CSPP1: variants seen among roughly 807,000 people sequenced by gnomAD.
The protein encoded by CSPP1 is centrosome and spindle pole-associated protein 1.
Under a neutral mutation model 164.4 loss-of-function variants are expected in CSPP1, and 126 were observed. The ratio of observed to expected loss-of-function variants is 0.77; its 90% CI spans 0.66 to 0.89. CSPP1 has a LOEUF of 0.89. Among genes scored for constraint, CSPP1 ranks in the 40% least tolerant of loss-of-function variants. The probability of loss-of-function intolerance (pLI) is 0.00; values close to 1 mark genes in which losing one functional copy is unlikely to be tolerated. For synonymous variants in CSPP1, 472 were observed against 476.7 expected (o/e 0.99, Z 0.13); for missense variants, 1,395 against 1,449.8 (o/e 0.96, Z 0.61).
chr8:67,194,270 A>G (rs1337508095), intron 30 of CSPP1, among the ~76,000 whole-genome samples: 1 of 152,222 alleles, frequency 6.6e-6, no homozygotes, highest in Non-Finnish European at 1.5e-5. Flanking sequence ...GGAGTGGTCT[A>G]TTTGGGAAAT....
At chr8:67,139,959 G>A (rs1823165344) in intron 17 of CSPP1, among the ~76,000 whole-genome samples, 5 of 152,232 alleles carry the variant, frequency 3.3e-5, no homozygotes, top group South Asian at 2.1e-4. Context: ...AAACCTGCAC[G>A]TTGTGCACAC....
In CSPP1 at chr8:67,115,899, TTTTC is replaced by T. The variant is rs1208523671; in HGVS notation, c.1288-11_1288-8del. ...TGATTATATGTAACAAACAGATTTT[TTTTC>T]TTTATTTTAGCCTGATAGACTAAAG... On this transcript the variant is annotated splice_polypyrimidine_tract_variant and intron_variant, in intron 12 of 30. Transcript: ENST00000678616. 4.2e-5 allele frequency: 67 copies of T among 1,605,412 alleles called. No homozygotes were observed. The highest frequency in any genetic ancestry group is 5.5e-5 in the Non-Finnish European group (65 of 1,172,576).
At chr8:67,148,043 C>T (rs574777451) in intron 17 of CSPP1, among the ~76,000 whole-genome samples, 16 of 152,014 alleles carry the variant, frequency 1.1e-4, no homozygotes, top group Non-Finnish European at 1.9e-4. Context: ...CTCAGCCCCC[C>T]AAGTAGCTGG....
chr8:67,113,653 G>A (rs1817338926), intron 10 of CSPP1, 152 bp from the exon 11 acceptor site: 7 of 455,742 alleles, frequency 1.5e-5, no homozygotes, highest in South Asian at 4.9e-5. Flanking sequence ...TTGGCTTTCA[G>A]TATTATTTAA....
chr8:67,113,210 A>C (rs1440922362), intron 10 of CSPP1, among the ~76,000 whole-genome samples: 2 of 152,176 alleles, frequency 1.3e-5, no homozygotes, highest in East Asian at 3.8e-4. Flanking sequence ...ACGCCAGTGC[A>C]TTCCAGCCTG....
intron 24 of CSPP1, among the ~76,000 whole-genome samples, chr8:67,170,290 CAAAAAA>C (rs113067786): frequency 9.8e-6 from 1 of 102,526 alleles, no homozygotes; most frequent in Non-Finnish European, 2.3e-5. Flanking sequence ...ACTAAAAATA[CAAAAAA>C]AAAAAAAAAA....
At chr8:67,179,112 G>A (rs1309573758) in intron 27 of CSPP1, among the ~76,000 whole-genome samples, 1 of 152,170 alleles carries the variant, frequency 6.6e-6, no homozygotes, top group Non-Finnish European at 1.5e-5. Context: ...TGGTAAGAAG[G>A]TGCAGGGAGG....
intron 24 of CSPP1, among the ~76,000 whole-genome samples, chr8:67,165,464 C>T (rs1011965932): frequency 1.3e-5 from 2 of 152,094 alleles, no homozygotes; most frequent in African/African-American, 4.8e-5. Flanking sequence ...TAATGTTCTC[C>T]TTCTGTTCAT....
At chr8:67,081,693 AAAAT>A (rs1809222789) in intron 3 of CSPP1, among the ~76,000 whole-genome samples, 2 of 152,230 alleles carry the variant, frequency 1.3e-5, no homozygotes, top group Non-Finnish European at 2.9e-5. Flanking sequence ...TAATCTTTTA[AAAAT>A]GTTTTGATAC....
intron 15 of CSPP1, among the ~76,000 whole-genome samples, chr8:67,129,118 C>T (rs965301055): frequency 6.6e-6 from 1 of 151,832 alleles, no homozygotes; most frequent in African/African-American, 2.4e-5. Flanking sequence ...TCCCAATAGA[C>T]AAAGGAAAAG....
chr8:67,149,858 G>C lies in CSPP1; in HGVS notation c.2051G>C (p.Arg684Thr). The change falls in exon 18 of 31, where the codon AGG becomes ACG. Residue 684 changes from arginine (R) to threonine (T), a missense_variant. Arg to Thr is a moderately conservative substitution (Grantham distance 71). Transcript: ENST00000678616. ...NPDARTYEDK[R>T]AVVSLDPNLA... Reference sequence around the variant, plus strand: ...GATGCAAGAACATATGAAGATAAAAGGGCTGTTGTATCTCTAGACCCAAAT... The same window carrying C: ...GATGCAAGAACATATGAAGATAAAACGGCTGTTGTATCTCTAGACCCAAAT... The C allele has an allele frequency of 2.5e-6, 4 of 1,608,500 alleles. No individual in the cohort carries two copies. The highest frequency in any genetic ancestry group is 3.4e-6 in the Non-Finnish European group (4 of 1,177,602).
chr8:67,077,689 T>G (rs1271695124), intron 3 of CSPP1, among the ~76,000 whole-genome samples: 1 of 152,202 alleles, frequency 6.6e-6, no homozygotes, highest in African/African-American at 2.4e-5. Flanking sequence ...GATGACAAAC[T>G]TTTTCACAAA....
chr8:67,128,647 T>C (rs146816214), intron 15 of CSPP1, among the ~76,000 whole-genome samples: 65 of 152,290 alleles, frequency 4.3e-4, no homozygotes, highest in African/African-American at 1.5e-3. Flanking sequence ...TTTCATAATC[T>C]TGATACTTAA....
chr8:67,177,717 G>T lies in CSPP1; in HGVS notation c.3147G>T (p.Glu1049Asp). 1 of 1,610,906 alleles carries T rather than the reference G, an allele frequency of 6.2e-7. No homozygotes were observed. The highest frequency in any genetic ancestry group is 1.3e-5 in the African/African-American group (1 of 74,950). Residue 1049 changes from glutamate to aspartate, a missense_variant, in exon 27 of 31, where the codon GAG (glutamate) becomes GAT (aspartate). Transcript: ENST00000678616. ...CCATCCCAAGTGCTAAAGTACGAGA[G>T]CAAAGAATGGTAAGCAACCAGTTAC... ...LDAIPSAKVR[E>D]QRMPRDDTSD...
intron 28 of CSPP1, among the ~76,000 whole-genome samples, chr8:67,188,053 G>T (rs1468453574): frequency 6.6e-6 from 1 of 152,172 alleles, no homozygotes; most frequent in East Asian, 1.9e-4. Context: ...TTTAAAACCT[G>T]CTCTGCTCTA....
At chr8:67,118,508 G>A in intron 14 of CSPP1, 139 bp downstream of exon 14, 1 of 873,158 alleles carries the variant, frequency 1.1e-6, no homozygotes, top group Non-Finnish European at 1.8e-6. Flanking sequence ...TTTAATAAAT[G>A]CCCTATTTTA....
At position 67,086,078 on chromosome 8, in the gene CSPP1, T is replaced by C. The variant is rs374300498; in HGVS notation, c.271T>C (p.Leu91=). 6.0e-6 allele frequency: 9 copies of C among 1,503,840 alleles called. No homozygotes were observed. In the South Asian group the frequency reaches 9.0e-5, roughly 15 times the overall value. 93.2% of individuals were successfully genotyped at this position (1,503,840 alleles called of 1,614,324 possible). The stretch of plus-strand genomic sequence containing the variant: ...GAAGAAACATAAATTAAAAGAAGAA[T>C]TGCGGCAAGATTACAGACGTTATCT... ...ERKKHKLKEE[L]RQDYRRYLTQ... is the part of the protein sequence containing the mutation. Residue 91 remains leucine (L), a synonymous_variant, in exon 4 of 31, where the codon TTG becomes CTG. Transcript: ENST00000678616.
intron 17 of CSPP1, among the ~76,000 whole-genome samples, chr8:67,138,158 A>G (rs762217180): frequency 5.9e-5 from 9 of 152,186 alleles, no homozygotes; most frequent in Non-Finnish European, 1.0e-4. Context: ...TGATCTAGTA[A>G]TCACACAACA....
Position 67,175,402 on chromosome 8 carries a change from G to C in CSPP1, c.3075G>C (p.Arg1025Ser). Residue 1025 changes from arginine (R) to serine (S), a missense_variant, in exon 26 of 31, where the codon AGG becomes AGC. Coordinates refer to ENST00000678616, the MANE Select transcript of CSPP1 (RefSeq NM_001382391.1). ...QQALLREQQK[R>S]LNRIKMQEGA... ...CCCTGCTAAGAGAGCAGCAGAAGAG[G>C]CTGAACAGAATAAAAATGCAGGAAG... 1 of 1,614,198 alleles carries C rather than the reference G, an allele frequency of 6.2e-7. No individual in the cohort carries two copies. The highest frequency in any genetic ancestry group is 8.5e-7 in the Non-Finnish European group (1 of 1,180,026).
Sources: allele counts gnomAD v4.1 joint callset (sites outside exome capture counted in the v4.1 genomes callset), GRCh38; gene constraint gnomAD v4.1.1; transcripts MANE v1.5; gene names NCBI Gene and HGNC (gene_info 2026-07-23, HGNC 2026-07-21).